Variants in LRRC3B observed in about 807,000 individuals in gnomAD.
LRRC3B encodes leucine-rich repeat-containing protein 3B.
A neutral mutation model predicts 12.8 loss-of-function variants in LRRC3B; 2 were observed. That is an observed-to-expected ratio of 0.16 (90% CI 0.06 to 0.49). The LOEUF (loss-of-function observed/expected upper bound fraction) is 0.49. LRRC3B is among the 20% of genes least tolerant of loss of function. The pLI, the probability that LRRC3B is intolerant of heterozygous loss-of-function variation, is 0.96. For synonymous variants in LRRC3B, 132 were observed against 122.0 expected, an observed-to-expected ratio of 1.08 and a Z score of -0.54; for missense variants, 189 against 319.4, an observed-to-expected ratio of 0.59 and a Z score of 3.11.
intron 1 of LRRC3B, among the ~76,000 whole-genome samples, chr3:26,699,776 A>AAAT (rs1700408872): frequency 6.6e-6 from 1 of 152,266 alleles, no homozygotes; most frequent in Non-Finnish European, 1.5e-5. Flanking sequence ...ATTTGCTGTG[A>AAAT]AATAATAGTA....
At chr3:26,685,515 CTCTCTCTCTATATATATATATA>C (rs1185260684) in intron 1 of LRRC3B, among the ~76,000 whole-genome samples, 193 of 53,762 alleles carry the variant, frequency 3.6e-3, no homozygotes, top group African/African-American at 0.012. Flanking sequence ...CTCTCTCTCT[CTCTCTCTCTATATATATATATA>C]TATATATATA....
At chr3:26,643,664 T>G (rs1010747903) in intron 1 of LRRC3B, among the ~76,000 whole-genome samples, 1 of 152,190 alleles carries the variant, frequency 6.6e-6, no homozygotes, top group Non-Finnish European at 1.5e-5. Context: ...GACACAAGGA[T>G]TCCATCACTG....
intron 1 of LRRC3B, among the ~76,000 whole-genome samples, chr3:26,663,127 A>G (rs1276262915): frequency 2.6e-5 from 4 of 152,140 alleles, no homozygotes; most frequent in Non-Finnish European, 1.5e-5. Flanking sequence ...ATTCTAGTAA[A>G]AACTTCTTCC....
exon 2 of LRRC3B, chr3:26,709,647 G>T (rs1298644342): frequency 3.1e-6 from 5 of 1,604,268 alleles, no homozygotes; most frequent in African/African-American, 2.7e-5. Flanking sequence ...TGAGGAATGG[G>T]CTCGTGATTA....
At chr3:26,664,739 C>T (rs1411089890) in intron 1 of LRRC3B, among the ~76,000 whole-genome samples, 2 of 152,002 alleles carry the variant, frequency 1.3e-5, no homozygotes, top group Admixed American at 6.6e-5. Context: ...GTTTAGGTCT[C>T]GCCTCCGATT....
At chr3:26,657,490 C>G (rs1699395984) in intron 1 of LRRC3B, among the ~76,000 whole-genome samples, 1 of 152,188 alleles carries the variant, frequency 6.6e-6, no homozygotes, top group Non-Finnish European at 1.5e-5. Context: ...TCTTACAACT[C>G]CCATGTCTCT....
intron 1 of LRRC3B, among the ~76,000 whole-genome samples, chr3:26,683,323 G>A (rs1347456188): frequency 6.6e-6 from 1 of 152,238 alleles, no homozygotes; most frequent in African/African-American, 2.4e-5. Context: ...ACAACCATCT[G>A]ATCTGTTGGG....
intron 1 of LRRC3B, among the ~76,000 whole-genome samples, chr3:26,654,380 T>C (rs1202739304): frequency 6.6e-6 from 1 of 152,150 alleles, no homozygotes; most frequent in African/African-American, 2.4e-5. Context: ...TAGGTCCAGA[T>C]TGCACTATAT....
intron 1 of LRRC3B, among the ~76,000 whole-genome samples, chr3:26,687,569 T>C (rs891806070): frequency 1.3e-5 from 2 of 152,198 alleles, no homozygotes. Flanking sequence ...CACTTCTTTT[T>C]TCATCCCAGA....
chr3:26,702,765 A>G (rs1575178855), intron 1 of LRRC3B, among the ~76,000 whole-genome samples: 1 of 152,134 alleles, frequency 6.6e-6, no homozygotes, highest in Non-Finnish European at 1.5e-5. Context: ...CTTTCAGAAC[A>G]GGATGTTGGA....
chr3:26,698,910 G>T (rs1156377409), intron 1 of LRRC3B, among the ~76,000 whole-genome samples: 1 of 152,020 alleles, frequency 6.6e-6, no homozygotes, highest in Non-Finnish European at 1.5e-5. Flanking sequence ...TCCCCCAGTT[G>T]TTCCAATAAT....
At chr3:26,625,543 C>T (rs1698606478) in intron 1 of LRRC3B, 1 of 152,216 alleles carries the variant, frequency 6.6e-6, no homozygotes, top group Non-Finnish European at 1.5e-5. Context: ...TCGCACTCCA[C>T]GAGATTTAGC....
At chr3:26,653,835 A>C (rs1162609293) in intron 1 of LRRC3B, among the ~76,000 whole-genome samples, 1 of 152,226 alleles carries the variant, frequency 6.6e-6, no homozygotes, top group Non-Finnish European at 1.5e-5. Context: ...GACCACACAA[A>C]GATACCTTAT....
At chr3:26,682,880 C>T (rs926639781) in intron 1 of LRRC3B, among the ~76,000 whole-genome samples, 1 of 152,200 alleles carries the variant, frequency 6.6e-6, no homozygotes, top group East Asian at 1.9e-4. Flanking sequence ...TTCACTTTTC[C>T]ATTTTGTTTA....
chr3:26,691,391 A>T (rs1223098354), intron 1 of LRRC3B, among the ~76,000 whole-genome samples: 1 of 151,966 alleles, frequency 6.6e-6, no homozygotes, highest in African/African-American at 2.4e-5. Context: ...GAGATTCACA[A>T]GAGCAACTTT....
chr3:26,643,543 G>C (rs1699079232), intron 1 of LRRC3B, among the ~76,000 whole-genome samples: 1 of 152,056 alleles, frequency 6.6e-6, no homozygotes, highest in Non-Finnish European at 1.5e-5. Context: ...AACTCACAAG[G>C]GTCTCTGGGC....
intron 1 of LRRC3B, among the ~76,000 whole-genome samples, chr3:26,639,393 T>C (rs1416477085): frequency 6.6e-6 from 1 of 152,092 alleles, no homozygotes; most frequent in African/African-American, 2.4e-5. Flanking sequence ...TTAGAGTTGA[T>C]AAAATTTACA....
chr3:26,652,370 C>A (rs1255455731), intron 1 of LRRC3B, among the ~76,000 whole-genome samples: 1 of 152,196 alleles, frequency 6.6e-6, no homozygotes, highest in Non-Finnish European at 1.5e-5. Flanking sequence ...CCTGTTCCTG[C>A]CAGCATATGC....
At chr3:26,622,961 C>T (rs1426547975) in exon 1 of LRRC3B, 2 of 151,688 alleles carry the variant, frequency 1.3e-5, no homozygotes, top group Non-Finnish European at 2.9e-5. Context: ...CGCCCGGGGC[C>T]GCACCCTCGC....
Sources: gnomAD v4.1 joint callset for allele counts (sites outside exome capture counted in the v4.1 genomes callset) on GRCh38, gnomAD v4.1.1 for gene constraint, MANE v1.5 for transcripts, NCBI Gene and HGNC (gene_info 2026-07-23, HGNC 2026-07-21) for gene names.